Variants in DLGAP2 observed in about 807,000 individuals in gnomAD.
DLGAP2 encodes DLG associated protein 2.
In DLGAP2, 26 loss-of-function variants were observed where a neutral mutation model predicts 100.3. The ratio of observed to expected loss-of-function variants is 0.26; its 90% CI spans 0.19 to 0.36. The LOEUF is 0.36. Among genes scored for constraint, DLGAP2 ranks in the 10% least tolerant of loss-of-function variants. The probability of loss-of-function intolerance (pLI) is 1.00; values close to 1 mark genes in which losing one functional copy is unlikely to be tolerated. For synonymous variants in DLGAP2, 886 were observed against 630.1 expected (o/e 1.41, Z -6.08); for missense variants, 1,858 against 1,453.2 (o/e 1.28, Z -4.53).
intron 3 of DLGAP2, among the ~76,000 whole-genome samples, chr8:1,348,361 C>CGTGGTAGCTATGTGGAGGTTG (rs1442409974): frequency 6.7e-6 from 1 of 150,002 alleles, no homozygotes; most frequent in South Asian, 2.1e-4. Flanking sequence ...ACATTGCACT[C>CGTGGTAGCTATGTGGAGGTTG]ATGGTAGCTG....
At chr8:855,769 A>G (rs1797265501) in intron 1 of DLGAP2, among the ~76,000 whole-genome samples, 1 of 152,228 alleles carries the variant, frequency 6.6e-6, no homozygotes, top group Non-Finnish European at 1.5e-5. Flanking sequence ...AGTTGATGTA[A>G]TCATCGCATC....
intron 1 of DLGAP2, among the ~76,000 whole-genome samples, chr8:856,709 T>G (rs1797285243): frequency 6.6e-6 from 1 of 152,214 alleles, no homozygotes; most frequent in African/African-American, 2.4e-5. Context: ...TACAAAACTC[T>G]GTTGAAAGAA....
At chr8:1,340,336 A>G (rs1801390948) in intron 3 of DLGAP2, among the ~76,000 whole-genome samples, 1 of 152,272 alleles carries the variant, frequency 6.6e-6, no homozygotes. Context: ...CAAATTATGC[A>G]TCCCACAAAG....
intron 2 of DLGAP2, among the ~76,000 whole-genome samples, chr8:1,114,828 T>A (rs1378946159): frequency 6.6e-6 from 1 of 152,212 alleles, no homozygotes; most frequent in Non-Finnish European, 1.5e-5. Context: ...TGATGTGGCA[T>A]TTAGTGCTAC....
At chr8:1,575,169 C>T (rs957183715) in intron 6 of DLGAP2, among the ~76,000 whole-genome samples, 1 of 152,180 alleles carries the variant, frequency 6.6e-6, no homozygotes, top group East Asian at 1.9e-4. Context: ...CATTTTCATC[C>T]ACTCACCCTT....
chr8:1,127,910 G>A (rs910688515), intron 2 of DLGAP2, among the ~76,000 whole-genome samples: 46 of 152,162 alleles, frequency 3.0e-4, no homozygotes, highest in African/African-American at 9.9e-4. Context: ...TTCCTATTCC[G>A]GATCTTTCAA....
At chr8:870,277 T>C (rs1406840662) in intron 1 of DLGAP2, among the ~76,000 whole-genome samples, 1 of 152,222 alleles carries the variant, frequency 6.6e-6, no homozygotes, top group Non-Finnish European at 1.5e-5. Context: ...ATTACAATCA[T>C]GCAGATGATG....
At position 915,755 on chromosome 8, in the gene DLGAP2, G is replaced by A. The variant is rs532017305; in HGVS notation, c.73+7789G>A. On this transcript the variant is annotated intron_variant, in intron 2 of 14. Coordinates refer to ENST00000637795, the MANE Select transcript of DLGAP2 (RefSeq NM_001346810.2). ...TCTCTGTCCGTCCGTCAGTTCACCCGTCTGTCCATCTGTCCCAGGGCGTGG... is the reference window on the plus strand; with the variant it reads ...TCTCTGTCCGTCCGTCAGTTCACCCATCTGTCCATCTGTCCCAGGGCGTGG... Among the ~76,000 whole-genome samples, 7 of 152,180 alleles carry A rather than the reference G, an allele frequency of 4.6e-5. No individual in the cohort carries two copies. The South Asian group carries it at 6.2e-4, about 14-fold the overall frequency.
chr8:1,451,742 G>T (rs1798165585), intron 3 of DLGAP2, among the ~76,000 whole-genome samples: 1 of 152,054 alleles, frequency 6.6e-6, no homozygotes, highest in African/African-American at 2.4e-5. Flanking sequence ...CTATGTCCAG[G>T]AGCTCCCTCC....
chr8:1,274,030 TA>T (rs1392530341), intron 3 of DLGAP2, among the ~76,000 whole-genome samples: 1 of 152,194 alleles, frequency 6.6e-6, no homozygotes, highest in Non-Finnish European at 1.5e-5. Flanking sequence ...TCAATTTAAA[TA>T]AAAGCTTTGA....
At chr8:965,968 C>G (rs1227350192) in intron 2 of DLGAP2, among the ~76,000 whole-genome samples, 1 of 152,238 alleles carries the variant, frequency 6.6e-6, no homozygotes, top group Non-Finnish European at 1.5e-5. Context: ...AGCCAGGTAC[C>G]CTTCTCCTGG....
chr8:1,282,575 A>T, intron 3 of DLGAP2, among the ~76,000 whole-genome samples: 1 of 123,918 alleles, frequency 8.1e-6, no homozygotes, highest in Non-Finnish European at 1.7e-5. Context: ...CCAGCACATG[A>T]ACCATCTGGA....
chr8:1,155,659 A>ACCCCCAGGCCCCTCCGAGG (rs749180779), intron 2 of DLGAP2, among the ~76,000 whole-genome samples: 11 of 151,312 alleles, frequency 7.3e-5, no homozygotes, highest in South Asian at 2.1e-4. Context: ...GGACTCCGAG[A>ACCCCCAGGCCCCTCCGAGG]CCCCCAGGCC....
chr8:1,701,565 C>T lies in DLGAP2; in HGVS notation c.*159C>T. Reference sequence around the variant, plus strand: ...CACAGCGGGACGCGGCCGGCGGCCTCAGAGTCCACGGAGCTCGCGGCGAGG... The same window carrying T: ...CACAGCGGGACGCGGCCGGCGGCCTTAGAGTCCACGGAGCTCGCGGCGAGG... On this transcript the variant is annotated 3_prime_UTR_variant, in exon 15 of 15. Transcript: ENST00000637795. 1.3e-6 allele frequency: 1 copy of T among 767,266 alleles called. No homozygotes were observed. The allele number at this position is 767,266 out of a possible 1,614,324, so 47.5% of individuals were successfully genotyped here.
chr8:1,335,048 T>A (rs1563089853), intron 3 of DLGAP2, among the ~76,000 whole-genome samples: 2 of 152,216 alleles, frequency 1.3e-5, no homozygotes, highest in East Asian at 3.9e-4. Context: ...CTGCATTGTC[T>A]AGAAATTCAG....
chr8:1,423,773 G>A (rs375583510), intron 3 of DLGAP2, among the ~76,000 whole-genome samples: 7 of 152,180 alleles, frequency 4.6e-5, no homozygotes, highest in African/African-American at 1.4e-4. Flanking sequence ...AGTGGCAGGA[G>A]CAACGGGCCC....
chr8:976,862 G>A (rs1800177705), intron 2 of DLGAP2, among the ~76,000 whole-genome samples: 1 of 152,150 alleles, frequency 6.6e-6, no homozygotes, highest in Non-Finnish European at 1.5e-5. Context: ...AAATACCTAG[G>A]TAACTGTAGA....
chr8:1,211,939 G>C (rs978760266), intron 2 of DLGAP2, among the ~76,000 whole-genome samples: 1 of 152,166 alleles, frequency 6.6e-6, no homozygotes, highest in Non-Finnish European at 1.5e-5. Context: ...AGTGCTCCTC[G>C]TGCTCCAGGC....
chr8:854,785 T>C (rs1797246190), intron 1 of DLGAP2, among the ~76,000 whole-genome samples: 1 of 152,118 alleles, frequency 6.6e-6, no homozygotes, highest in African/African-American at 2.4e-5. Flanking sequence ...GTGGCAGGAA[T>C]GTGGTTTTGG....
Sources: gnomAD v4.1 joint callset for allele counts (sites outside exome capture counted in the v4.1 genomes callset) on GRCh38, gnomAD v4.1.1 for gene constraint, MANE v1.5 for transcripts, NCBI Gene and HGNC (gene_info 2026-07-23, HGNC 2026-07-21) for gene names.